Variants in TSHR observed in about 807,000 individuals in gnomAD.
The protein encoded by TSHR is thyrotropin receptor.
In TSHR, 51 loss-of-function variants were observed where a neutral mutation model predicts 64.1. That is an observed-to-expected ratio of 0.80 (90% CI 0.64 to 1.01). The LOEUF is 1.01. TSHR is among the 50% of genes least tolerant of loss of function. The pLI, the probability that TSHR is intolerant of heterozygous loss-of-function variation, is 0.00. For synonymous variants in TSHR, 361 were observed against 361.9 expected, an observed-to-expected ratio of 1.00 and a Z score of 0.03; for missense variants, 877 against 942.8, an observed-to-expected ratio of 0.93 and a Z score of 0.91.
At chr14:81,005,532 T>C (rs528533771) in intron 1 of TSHR, among the ~76,000 whole-genome samples, 2 of 152,314 alleles carry the variant, frequency 1.3e-5, no homozygotes, top group East Asian at 1.9e-4. Flanking sequence ...ACATATTTTC[T>C]TTCATATACA....
At chr14:81,074,213 G>C (rs866475766) in intron 3 of TSHR, among the ~76,000 whole-genome samples, 1 of 152,106 alleles carries the variant, frequency 6.6e-6, no homozygotes, top group Non-Finnish European at 1.5e-5. Context: ...GAGATATTGA[G>C]AGTCTAATAT....
At chr14:81,115,937 A>G (rs1890483888) in intron 8 of TSHR, among the ~76,000 whole-genome samples, 2 of 152,168 alleles carry the variant, frequency 1.3e-5, no homozygotes, top group Admixed American at 1.3e-4. Flanking sequence ...ACTAAGCTTC[A>G]TAAGTGAAGG....
intron 1 of TSHR, among the ~76,000 whole-genome samples, chr14:81,030,684 T>A (rs1011172517): frequency 6.6e-6 from 1 of 152,204 alleles, no homozygotes; most frequent in South Asian, 2.1e-4. Flanking sequence ...GAGTATGACC[T>A]CCCAGATACA....
chr14:81,077,246 T>G (rs1887570805), intron 3 of TSHR, among the ~76,000 whole-genome samples: 1 of 152,222 alleles, frequency 6.6e-6, no homozygotes, highest in South Asian at 2.1e-4. Context: ...GGATGCTTTG[T>G]GTGCCATTCA....
intron 8 of TSHR, among the ~76,000 whole-genome samples, chr14:81,116,576 A>T (rs1049558201): frequency 6.9e-6 from 1 of 144,196 alleles, no homozygotes; most frequent in East Asian, 2.2e-4. Context: ...CCACACATTA[A>T]TAATGGGAGA....
intron 1 of TSHR, chr14:81,001,550 G>C: frequency 1.9e-6 from 1 of 525,304 alleles, no homozygotes. Context: ...CACTCATTTT[G>C]GGCCACCAAC....
At chr14:81,014,172 C>G (rs894686041) in intron 1 of TSHR, 1 of 152,138 alleles carries the variant, frequency 6.6e-6, no homozygotes, top group Non-Finnish European at 1.5e-5. Context: ...GTTTTTCATT[C>G]GCTTGTAGTC....
chr14:81,004,631 G>A (rs753097107), intron 1 of TSHR, among the ~76,000 whole-genome samples: 2 of 152,124 alleles, frequency 1.3e-5, no homozygotes, highest in Non-Finnish European at 2.9e-5. Context: ...GGGTAGTAGT[G>A]GTACTGGGCC....
intron 1 of TSHR, among the ~76,000 whole-genome samples, chr14:80,960,448 T>A (rs1886961183): frequency 2.0e-5 from 3 of 152,252 alleles, no homozygotes; most frequent in Admixed American, 2.0e-4. Flanking sequence ...TGTGAATTAT[T>A]CTTTTCCATT....
At chr14:81,090,692 T>C (rs1013534909) in intron 4 of TSHR, among the ~76,000 whole-genome samples, 4 of 152,192 alleles carry the variant, frequency 2.6e-5, no homozygotes, top group African/African-American at 9.7e-5. Context: ...CTGTCCCATC[T>C]TCTTCTTAGC....
At chr14:80,969,309 G>A (rs1225436303) in intron 1 of TSHR, among the ~76,000 whole-genome samples, 2 of 152,176 alleles carry the variant, frequency 1.3e-5, no homozygotes, top group East Asian at 3.8e-4. Flanking sequence ...GCCATGAAAT[G>A]CATCCCTTGG....
At chr14:81,136,102 G>T (rs1427069180) in intron 8 of TSHR, among the ~76,000 whole-genome samples, 1 of 152,228 alleles carries the variant, frequency 6.6e-6, no homozygotes, top group Non-Finnish European at 1.5e-5. Flanking sequence ...TGCTAGATCT[G>T]CAAGACCTTA....
intron 1 of TSHR, among the ~76,000 whole-genome samples, chr14:81,016,290 C>T (rs978004976): frequency 6.6e-6 from 1 of 152,098 alleles, no homozygotes; most frequent in Admixed American, 6.5e-5. Flanking sequence ...ACATTTATCT[C>T]GTCTTTGTGT....
intron 3 of TSHR, among the ~76,000 whole-genome samples, chr14:81,073,388 A>T (rs1022114185): frequency 1.3e-5 from 2 of 152,150 alleles, no homozygotes; most frequent in African/African-American, 2.4e-5. Flanking sequence ...ATATTGGCTT[A>T]TAAAAAATAT....
rs748986847 is a variant in TSHR, at chr14:81,037,419, C to CAAAAAAAA, written c.171-24725_171-24724insAAAAAAAA. ...GAGGGAAAAAGGAACAAAGGAAATA[C>CAAAAAAAA]AAAACAAACAAACAAACAAACAAAC... On this transcript the variant is annotated intron_variant, in intron 1 of 9. Transcript: ENST00000298171. Among the ~76,000 whole-genome samples, 22 of 99,076 alleles carry CAAAAAAAA rather than the reference C, an allele frequency of 2.2e-4. 1 individual carries two copies. Among genetic ancestry groups the CAAAAAAAA allele is most frequent in the Admixed American group, 4.4e-4 (5 of 11,338 alleles). The allele number at this position is 99,076 out of a possible 152,430, so 65.0% of individuals were successfully genotyped here. A position where few individuals can be genotyped will look rare whatever the true frequency, so the allele number is the denominator to read the frequency against.
intron 8 of TSHR, among the ~76,000 whole-genome samples, chr14:81,126,249 T>TA (rs1420775486): frequency 3.9e-5 from 6 of 152,180 alleles, no homozygotes; most frequent in Non-Finnish European, 7.4e-5. Context: ...GGGAGAGGGA[T>TA]AAAGCAGTTA....
At chr14:81,053,712 T>C (rs1885569687) in intron 1 of TSHR, 1 of 152,164 alleles carries the variant, frequency 6.6e-6, no homozygotes, top group South Asian at 2.1e-4. Flanking sequence ...TTCCTAGATA[T>C]TTACCCAAGA....
chr14:81,076,176 T>C (rs1270809865), intron 3 of TSHR, among the ~76,000 whole-genome samples: 1 of 152,192 alleles, frequency 6.6e-6, no homozygotes, highest in Non-Finnish European at 1.5e-5. Context: ...AGATTCAAAA[T>C]AGTAGATCAT....
In TSHR at chr14:81,103,027, A is replaced by C. The variant is rs1283080819; in HGVS notation, c.615-5348A>C. On this transcript the variant is annotated intron_variant, in intron 7 of 9. Coordinates refer to ENST00000298171, the MANE Select transcript of TSHR (RefSeq NM_000369.5). This position sits in a 1 kb window ranked among gnomAD's most constrained non-coding sequence, Gnocchi z 4.1. Reference sequence around the variant, plus strand: ...AAGTTTCTGACTCCTAGTCAATAGAAATTTATTCTTTCCTAGATTTAAGCA... The same window carrying C: ...AAGTTTCTGACTCCTAGTCAATAGACATTTATTCTTTCCTAGATTTAAGCA... 4.1e-6 allele frequency: 4 copies of C among 985,300 alleles called. No homozygotes were observed. The highest frequency in any genetic ancestry group is 4.8e-6 in the Non-Finnish European group (4 of 829,942). The allele number at this position is 985,300 out of a possible 1,614,324, so 61.0% of individuals were successfully genotyped here.
Sources: allele counts gnomAD v4.1 joint callset (sites outside exome capture counted in the v4.1 genomes callset), GRCh38; gene constraint gnomAD v4.1.1; non-coding constraint Gnocchi (gnomAD v3.1); transcripts MANE v1.5; gene names NCBI Gene and HGNC (gene_info 2026-07-23, HGNC 2026-07-21).